Variants in WDR49 observed in about 807,000 individuals in gnomAD.
WDR49 encodes the protein cilia- and flagella-associated protein 337.
In WDR49, 107 loss-of-function variants were observed where a neutral mutation model predicts 119.5. The observed-to-expected ratio is 0.90, with a 90% CI of 0.77 to 1.05. The LOEUF (loss-of-function observed/expected upper bound fraction) is 1.05. Among genes scored for constraint, WDR49 ranks in the 50% least tolerant of loss-of-function variants. The pLI is 0.00. For synonymous variants in WDR49, 425 were observed against 418.8 expected, an observed-to-expected ratio of 1.01 and a Z score of -0.18; for missense variants, 1,240 against 1,220.5, an observed-to-expected ratio of 1.02 and a Z score of -0.24.
In WDR49 at chr3:167,522,316, T is replaced by C. The variant is rs1233081286; in HGVS notation, c.2773A>G (p.Asn925Asp). The C allele has an allele frequency of 6.3e-7, 1 of 1,580,744 alleles. No homozygotes were observed. Among genetic ancestry groups the C allele is most frequent in the Admixed American group, 2.0e-5 (1 of 49,720 alleles). ...NKKNKDDSTY[N>D]VRPSEDINLD... ...TGGCTAATGTTCAAAATTACTTACT[T>C]GTATGTTGAGTCATCTTTGTTTTTC... Residue 925 changes from asparagine to aspartate, a missense_variant and splice_region_variant, in exon 16 of 19, where the codon AAT becomes GAT. Coordinates refer to ENST00000682715, the MANE Select transcript of WDR49 (RefSeq NM_001366157.1).
At position 167,536,897 on chromosome 3, in the gene WDR49, A is replaced by C; in HGVS notation, c.1927T>G (p.Phe643Val). 6.6e-7 allele frequency: 1 copy of C among 1,522,660 alleles called. No individual in the cohort carries two copies. The highest frequency in any genetic ancestry group is 1.4e-5 in the African/African-American group (1 of 71,192). 94.3% of individuals were successfully genotyped at this position (1,522,660 alleles called of 1,614,324 possible). A position where few individuals can be genotyped will look rare whatever the true frequency, so the allele number is the denominator to read the frequency against. Residue 643 changes from phenylalanine to valine, a missense_variant, in exon 11 of 19, where the codon TTT becomes GTT. By Grantham distance (50) the Phe-to-Val change is conservative. Transcript: ENST00000682715. ...GTAACAAGAGTTTGTGGAGGTAAAA[A>C]CGCAGCACACAAGATGTCATCATGG... ...QHHDDILCAAFLPPQTLVTGS... is the reference protein window; with the variant it reads ...QHHDDILCAAVLPPQTLVTGS...
intron 16 of WDR49, among the ~76,000 whole-genome samples, chr3:167,506,361 T>C (rs748246286): frequency 1.3e-5 from 2 of 152,236 alleles, no homozygotes; most frequent in Non-Finnish European, 2.9e-5. Context: ...TTCAGAAATG[T>C]GCCTAATAAA....
chr3:167,570,721 C>A (rs997841769), intron 8 of WDR49, among the ~76,000 whole-genome samples: 1 of 151,924 alleles, frequency 6.6e-6, no homozygotes, highest in African/African-American at 2.4e-5. Context: ...TGTGTCACAG[C>A]AAAGAAACAA....
At chr3:167,591,549 TCTAATAAAATTTG>T (rs764553469) in intron 7 of WDR49, among the ~76,000 whole-genome samples, 17 of 152,156 alleles carry the variant, frequency 1.1e-4, no homozygotes, top group Admixed American at 4.6e-4. Context: ...TCTATTTAAG[TCTAATAAAATTTG>T]CTTTATATAT....
intron 15 of WDR49, 49 bp downstream of exon 15, chr3:167,527,771 T>C: frequency 6.5e-7 from 1 of 1,548,664 alleles, no homozygotes; most frequent in Non-Finnish European, 8.8e-7. Flanking sequence ...CCCAAGTTAA[T>C]ACTAAATGTC....
intron 5 of WDR49, among the ~76,000 whole-genome samples, chr3:167,613,548 G>T (rs1716446307): frequency 6.6e-6 from 1 of 152,194 alleles, no homozygotes; most frequent in Admixed American, 6.5e-5. Context: ...ACACAAGCAA[G>T]ATATTAAATC....
chr3:167,598,335 T>G (rs543259984), intron 7 of WDR49, among the ~76,000 whole-genome samples: 1 of 150,434 alleles, frequency 6.6e-6, no homozygotes, highest in South Asian at 2.1e-4. Context: ...AAAAAAGAAA[T>G]GTGAGAAGGA....
chr3:167,596,340 T>C (rs1270150141), intron 7 of WDR49, among the ~76,000 whole-genome samples: 2 of 148,788 alleles, frequency 1.3e-5, no homozygotes, highest in African/African-American at 4.9e-5. Flanking sequence ...GAACTAGAAA[T>C]ACCATTTGAC....
At chr3:167,517,913 T>C (rs565945048) in intron 16 of WDR49, among the ~76,000 whole-genome samples, 11 of 144,744 alleles carry the variant, frequency 7.6e-5, no homozygotes, top group Non-Finnish European at 1.6e-4. Flanking sequence ...GTCCCCAGAG[T>C]GTGATGTTCC....
intron 10 of WDR49, among the ~76,000 whole-genome samples, chr3:167,550,875 A>G (rs1053361870): frequency 2.0e-5 from 3 of 151,430 alleles, no homozygotes; most frequent in Non-Finnish European, 4.4e-5. Flanking sequence ...TAATTTTACT[A>G]GAACTATACA....
At chr3:167,571,541 T>G (rs977091730) in intron 8 of WDR49, among the ~76,000 whole-genome samples, 2 of 152,158 alleles carry the variant, frequency 1.3e-5, no homozygotes, top group African/African-American at 4.8e-5. Context: ...TCAAGGGAAA[T>G]GGATCAGTAA....
chr3:167,488,454 C>G (rs1381477219), intron 18 of WDR49, among the ~76,000 whole-genome samples: 1 of 151,984 alleles, frequency 6.6e-6, no homozygotes, highest in African/African-American at 2.4e-5. Context: ...CACTCATTAC[C>G]TGGGTGCAAT....
rs774303929 is a variant in WDR49, at chr3:167,602,283, GA to G, written c.1127-9del. 1 of 1,544,544 alleles carries G rather than the reference GA, an allele frequency of 6.5e-7. No individual in the cohort carries two copies. Among genetic ancestry groups the G allele is most frequent in the South Asian group, 1.2e-5 (1 of 82,188 alleles). Reference sequence around the variant, plus strand: ...TGTTAATGCCAGCAGTTGCTAATCAGAATTAGAAAGAAAAAAAATGTTTTTA... The same window carrying G: ...TGTTAATGCCAGCAGTTGCTAATCAGATTAGAAAGAAAAAAAATGTTTTTA... On this transcript the variant is annotated splice_polypyrimidine_tract_variant and intron_variant, in intron 6 of 18. Coordinates refer to ENST00000682715, the MANE Select transcript of WDR49 (RefSeq NM_001366157.1).
Position 167,642,675 on chromosome 3 carries a change from C to T in WDR49, c.165+10586G>A, listed in dbSNP as rs191656580. On this transcript the variant is annotated intron_variant, in intron 2 of 18. Transcript: ENST00000682715. ...CAATGAACACACTACTACCCAGATC[C>T]TGTTATTCTCAATACCATTCTCCAA... Among the ~76,000 whole-genome samples the T allele has an allele frequency of 5.3e-5, 8 of 152,082 alleles. No individual in the cohort carries two copies. The Admixed American group carries it at 5.3e-4, about 10-fold the overall frequency.
chr3:167,629,304 GCATGGTTTATTGAATATA>G (rs1717262700), intron 2 of WDR49, among the ~76,000 whole-genome samples: 1 of 152,026 alleles, frequency 6.6e-6, no homozygotes, highest in South Asian at 2.1e-4. Context: ...TCTGTTTACA[GCATGGTTTATTGAATATA>G]CATGGTTTAC....
chr3:167,637,350 A>G (rs1005487272), intron 2 of WDR49, among the ~76,000 whole-genome samples: 1 of 151,928 alleles, frequency 6.6e-6, no homozygotes, highest in African/African-American at 2.4e-5. Flanking sequence ...CTGTTGGTCT[A>G]TGTGCCTATT....
intron 18 of WDR49, among the ~76,000 whole-genome samples, chr3:167,479,906 G>T (rs1238857280): frequency 6.6e-6 from 1 of 152,056 alleles, no homozygotes; most frequent in Non-Finnish European, 1.5e-5. Flanking sequence ...TGGATAGGAA[G>T]TGTCAACTGG....
At chr3:167,618,740 A>G (rs1385826472) in intron 5 of WDR49, among the ~76,000 whole-genome samples, 1 of 152,170 alleles carries the variant, frequency 6.6e-6, no homozygotes, top group African/African-American at 2.4e-5. Flanking sequence ...ATGAATCTCC[A>G]CTGCTAATAC....
intron 10 of WDR49, among the ~76,000 whole-genome samples, chr3:167,543,483 A>G (rs887205612): frequency 2.0e-5 from 3 of 152,146 alleles, no homozygotes; most frequent in African/African-American, 7.2e-5. Flanking sequence ...GAGATGGTTT[A>G]ACACACACAA....
Sources: allele counts gnomAD v4.1 joint callset (sites outside exome capture counted in the v4.1 genomes callset), GRCh38; gene constraint gnomAD v4.1.1; transcripts MANE v1.5; gene names NCBI Gene and HGNC (gene_info 2026-07-23, HGNC 2026-07-21).